Variants in AKR1B15 observed in about 807,000 individuals in gnomAD.
AKR1B15 encodes estradiol 17-beta-dehydrogenase AKR1B15.
In AKR1B15, 49 loss-of-function variants were observed where a neutral mutation model predicts 38.5. The observed-to-expected ratio is 1.27, with a 90% CI of 1.01 to 1.62. The LOEUF is 1.62. Ranked by LOEUF, AKR1B15 falls within the 40% of genes most tolerant of loss-of-function variation. AKR1B15 has a pLI of 0.00. For synonymous variants in AKR1B15, 137 were observed against 135.5 expected (o/e 1.01, Z -0.08); for missense variants, 411 against 381.6 (o/e 1.08, Z -0.64).
chr7:134,577,926 T>G (rs934935187), intron 11 of AKR1B15, 140 bp downstream of exon 11: 15 of 914,872 alleles, frequency 1.6e-5, no homozygotes, highest in African/African-American at 1.0e-4. Flanking sequence ...AGTTAAAATT[T>G]GGGTACCTGG....
rs914946262 is a variant in AKR1B15 at position 134,549,267 on chromosome 7, CTG to C, written c.-147+20_-147+21del. 5 of 152,538 alleles carry C rather than the reference CTG, an allele frequency of 3.3e-5. No individual in the cohort carries two copies. Among genetic ancestry groups the C allele is most frequent in the African/African-American group, 1.2e-4 (5 of 41,564 alleles). The allele number at this position is 152,538 out of a possible 1,614,324, so 9.4% of individuals were successfully genotyped here. ...CCGGGAAGGTAAGTCAGATCTGACT[CTG>C]TCTCTCTGGGAGGGAAACGGCCCTG... is the stretch of plus-strand genomic sequence containing the variant. On this transcript the variant is annotated intron_variant, in intron 1 of 11. Transcript: ENST00000457545.
chr7:134,565,297 C>A, intron 3 of AKR1B15: 1 of 983,020 alleles, frequency 1.0e-6, no homozygotes. Context: ...GGAGAAACTC[C>A]AGACACATCT....
In AKR1B15 at chr7:134,564,639, C is replaced by T; in HGVS notation, c.20C>T (p.Pro7Leu). ...CTACAGATGGTCTTACAAATGGAACCCCAAGTGAACTCAACTAACAACTTC... is the reference window on the plus strand; with the variant it reads ...CTACAGATGGTCTTACAAATGGAACTCCAAGTGAACTCAACTAACAACTTC... MVLQME[P>L]QVNSTNNFHQ... The change falls in exon 3 of 12, where the codon CCC becomes CTC. Residue 7 changes from proline to leucine, a missense_variant. By Grantham distance (98) the Pro-to-Leu change is moderately conservative. Transcript: ENST00000457545. The T allele has an allele frequency of 2.9e-6, 2 of 698,228 alleles. No individual in the cohort carries two copies. The highest frequency in any genetic ancestry group is 3.0e-5 in the South Asian group (2 of 66,656). 43.3% of individuals were successfully genotyped at this position (698,228 alleles called of 1,614,324 possible).
intron 1 of AKR1B15, among the ~76,000 whole-genome samples, chr7:134,549,825 C>T (rs888481077): frequency 3.9e-5 from 6 of 152,158 alleles, no homozygotes; most frequent in Non-Finnish European, 8.8e-5. Flanking sequence ...TTTCATATGT[C>T]GGATCGTCGA....
At chr7:134,558,075 A>ACTT (rs1794264968) in intron 2 of AKR1B15, among the ~76,000 whole-genome samples, 6 of 152,214 alleles carry the variant, frequency 3.9e-5, no homozygotes, top group Admixed American at 3.9e-4. Context: ...TCATGAGGGA[A>ACTT]GTCTTGTCTC....
chr7:134,579,238 G>C (rs1324153220), intron 11 of AKR1B15, among the ~76,000 whole-genome samples: 2 of 152,120 alleles, frequency 1.3e-5, no homozygotes, highest in African/African-American at 2.4e-5. Context: ...GACAAGACTT[G>C]TCTGTCACCT....
At chr7:134,554,747 G>A (rs921112290) in intron 1 of AKR1B15, among the ~76,000 whole-genome samples, 1 of 152,158 alleles carries the variant, frequency 6.6e-6, no homozygotes, top group Non-Finnish European at 1.5e-5. Context: ...TGAGGCATTT[G>A]CCACCAAAAA....
chr7:134,554,462 C>T (rs1794117529), intron 1 of AKR1B15, among the ~76,000 whole-genome samples: 1 of 152,178 alleles, frequency 6.6e-6, no homozygotes, highest in Admixed American at 6.5e-5. Context: ...CAATCATCTA[C>T]ATTCTACCAC....
chr7:134,565,319 C>G, intron 3 of AKR1B15: 1 of 1,218,724 alleles, frequency 8.2e-7, no homozygotes, highest in Non-Finnish European at 1.1e-6. Flanking sequence ...AAGGAACAAA[C>G]TCCAGACACA....
intron 3 of AKR1B15, chr7:134,565,015 G>A (rs142475068): frequency 0.08 from 26,966 of 338,832 alleles, 1,748 homozygotes; most frequent in East Asian, 0.28. Flanking sequence ...TAGCTAAAGG[G>A]TTGTAAATGC....
rs149212971 is a variant in AKR1B15 at position 134,564,731 on chromosome 7, A to G, written c.112A>G (p.Thr38Ala). Residue 38 changes from threonine to alanine, a missense_variant, in exon 3 of 12, where the codon ACT (threonine) becomes GCT (alanine). Thr to Ala is a moderately conservative substitution (Grantham distance 58, BLOSUM62 0). This residue lies in a region of AKR1B15 where 254 missense variants were observed against 212.4 expected (regional missense o/e 1.20). Coordinates refer to ENST00000457545, the MANE Select transcript of AKR1B15 (RefSeq NM_001080538.3). The part of the protein sequence containing the change: ...TGLKSSLLKD[T>A]TSAGPLLRPY... The stretch of plus-strand genomic sequence containing the variant: ...CCTAAAGAGTTCCCTTCTGAAGGAC[A>G]CTACAAGTGCAGGGCCCCTTCTTCG... 1,461 of 695,954 alleles carry G rather than the reference A, an allele frequency of 2.1e-3. 5 individuals are homozygous for G. Among genetic ancestry groups the G allele is most frequent in the Non-Finnish European group, 2.9e-3 (1,091 of 382,464 alleles). The allele number at this position is 695,954 out of a possible 1,614,324, so 43.1% of individuals were successfully genotyped here. A position where few individuals can be genotyped will look rare whatever the true frequency, so the allele number is the denominator to read the frequency against.
intron 6 of AKR1B15, among the ~76,000 whole-genome samples, chr7:134,572,053 G>GA (rs1267009911): frequency 2.6e-5 from 4 of 151,946 alleles, no homozygotes; most frequent in Non-Finnish European, 5.9e-5. Flanking sequence ...TCTCTTTAAA[G>GA]AAAAAAGGTC....
At position 134,576,543 on chromosome 7, in the gene AKR1B15, A is replaced by C. The variant is rs192216304; in HGVS notation, c.825+113A>C. On this transcript the variant is annotated intron_variant, in intron 9 of 11. Coordinates refer to ENST00000457545, the MANE Select transcript of AKR1B15 (RefSeq NM_001080538.3). ...TAAAGGGGAAGAACACAGGAGCTGAAGCCCTCTAAAGTATTTCCTTTGAAG... is the reference window on the plus strand; with the variant it reads ...TAAAGGGGAAGAACACAGGAGCTGACGCCCTCTAAAGTATTTCCTTTGAAG... The C allele has an allele frequency of 5.7e-3, 7,186 of 1,253,910 alleles. 40 individuals are homozygous for C. The highest frequency in any genetic ancestry group is 6.0e-3 in the Non-Finnish European group (5,400 of 893,270). 77.7% of individuals were successfully genotyped at this position (1,253,910 alleles called of 1,614,324 possible). A position where few individuals can be genotyped will look rare whatever the true frequency, so the allele number is the denominator to read the frequency against.
rs116053995 is a variant in AKR1B15, at chr7:134,577,372, C to T, written c.909+326C>T. On this transcript the variant is annotated intron_variant, in intron 10 of 11. Transcript: ENST00000457545. ...AGCAGACTGTCCTGGCCTACCTGCTCACCTCCCAGCAGCAGAGGAGGTGTG... is the reference window on the plus strand; with the variant it reads ...AGCAGACTGTCCTGGCCTACCTGCTTACCTCCCAGCAGCAGAGGAGGTGTG... Among the ~76,000 whole-genome samples the T allele has an allele frequency of 9.7e-3, 1,476 of 152,264 alleles. 17 individuals are homozygous for T. Among genetic ancestry groups the T allele is most frequent in the African/African-American group, 0.034 (1,405 of 41,538 alleles).
At position 134,575,384 on chromosome 7, in the gene AKR1B15, C is replaced by T. The variant is rs368354343; in HGVS notation, c.514-36C>T. The T allele has an allele frequency of 1.3e-5, 21 of 1,611,362 alleles. No individual in the cohort carries two copies. The African/African-American group carries it at 2.7e-4, about 21-fold the overall frequency. On this transcript the variant is annotated intron_variant, in intron 6 of 11. Coordinates refer to ENST00000457545, the MANE Select transcript of AKR1B15 (RefSeq NM_001080538.3). ...GCAAGCCAGGGTCCCTGTAGTCCCT[C>T]TAGAGCTGCCCATAAGGTATTCCTT...
Position 134,556,490 on chromosome 7 carries a change from T to A in AKR1B15, c.-146-246T>A, listed in dbSNP as rs368936748. On this transcript the variant is annotated intron_variant, in intron 1 of 11. Coordinates refer to ENST00000457545, the MANE Select transcript of AKR1B15 (RefSeq NM_001080538.3). ...CCTTCTGTCTAATTAGCGCAAGGTATAACTTACCTGCTTCTCCCTTTCAGG... is the reference window on the plus strand; with the variant it reads ...CCTTCTGTCTAATTAGCGCAAGGTAAAACTTACCTGCTTCTCCCTTTCAGG... Among the ~76,000 whole-genome samples the A allele has an allele frequency of 5.2e-4, 79 of 152,284 alleles. No individual in the cohort carries two copies. The East Asian group carries it at 0.012, about 23-fold the overall frequency.
chr7:134,569,484 G>T lies in AKR1B15; in HGVS notation c.390G>T (p.Leu130=). 6.2e-7 allele frequency: 1 copy of T among 1,614,082 alleles called. No individual in the cohort carries two copies. The highest frequency in any genetic ancestry group is 8.5e-7 in the Non-Finnish European group (1 of 1,179,974). The change falls in exon 5 of 12, where the codon CTG becomes CTT. Residue 130 remains leucine, a synonymous_variant. Coordinates refer to ENST00000457545, the MANE Select transcript of AKR1B15 (RefSeq NM_001080538.3). ...AGAAGACCCTCAAGGACCTGAAGCT[G>T]AGCTATCTGGACGTCTATCTTATTC... ...AFEKTLKDLK[L]SYLDVYLIHW...
chr7:134,576,982 T>C lies in AKR1B15; in HGVS notation c.845T>C (p.Ile282Thr), dbSNP rs1269450310. ...GCACAGGTTCTGATCCGTTTCCATA[T>C]CCAGAGGAATGTGACAGTGATCCCC... ...TTAQVLIRFH[I>T]QRNVTVIPKS... The change falls in exon 10 of 12, where the codon ATC becomes ACC. Residue 282 changes from isoleucine to threonine, a missense_variant. This residue lies in a region of AKR1B15 where 133 missense variants were observed against 120.3 expected (regional missense o/e 1.11). Coordinates refer to ENST00000457545, the MANE Select transcript of AKR1B15 (RefSeq NM_001080538.3). The C allele has an allele frequency of 4.3e-6, 7 of 1,613,912 alleles. No homozygotes were observed. In the African/African-American group the frequency reaches 6.7e-5, roughly 15 times the overall value.
At chr7:134,560,941 C>T (rs1257874104) in intron 2 of AKR1B15, among the ~76,000 whole-genome samples, 2 of 152,218 alleles carry the variant, frequency 1.3e-5, no homozygotes, top group African/African-American at 4.8e-5. Context: ...AGATAATCCT[C>T]ATTTTTTCCT....
Sources: gnomAD v4.1 joint callset for allele counts (sites outside exome capture counted in the v4.1 genomes callset) on GRCh38, gnomAD v4.1.1 for gene constraint, gnomAD v4.1.1 regional missense constraint, MANE v1.5 for transcripts, NCBI Gene and HGNC (gene_info 2026-07-23, HGNC 2026-07-21) for gene names.